EYS: variants seen among roughly 807,000 people sequenced by gnomAD.
EYS encodes the protein EGF-like photoreceptor maintenance factor, also known as protein eyes shut homolog.
EYS carries 250 observed loss-of-function variants against 282.1 expected under a neutral mutation model. That is an observed-to-expected ratio of 0.89 (90% CI 0.80 to 0.98). The LOEUF is 0.98. EYS is among the 50% of genes least tolerant of loss of function. The pLI, the probability that EYS is intolerant of heterozygous loss-of-function variation, is 0.00. For missense variants in EYS, 4,016 were observed against 3,709.0 expected, an observed-to-expected ratio of 1.08 and a Z score of -2.15; for synonymous variants, 1,355 against 1,282.9, an observed-to-expected ratio of 1.06 and a Z score of -1.20.
At chr6:64,689,241 A>T (rs1212557161) in intron 22 of EYS, among the ~76,000 whole-genome samples, 1 of 152,184 alleles carries the variant, frequency 6.6e-6, no homozygotes, top group African/African-American at 2.4e-5. Context: ...AGAGAATAAA[A>T]TACCTGGGAA....
At chr6:64,602,845 A>T (rs1257490504) in intron 24 of EYS, among the ~76,000 whole-genome samples, 1 of 152,058 alleles carries the variant, frequency 6.6e-6, no homozygotes, top group African/African-American at 2.4e-5. Flanking sequence ...ATTGGAAAAC[A>T]AAGTAATCTC....
At chr6:65,234,714 C>A (rs899811276) in intron 12 of EYS, among the ~76,000 whole-genome samples, 1 of 152,086 alleles carries the variant, frequency 6.6e-6, no homozygotes, top group Non-Finnish European at 1.5e-5. Context: ...ACAAACTATA[C>A]TATTTATATT....
intron 12 of EYS, among the ~76,000 whole-genome samples, chr6:65,118,868 GTTCT>G (rs1561975325): frequency 1.4e-5 from 2 of 141,058 alleles, no homozygotes; most frequent in African/African-American, 5.6e-5. Flanking sequence ...AGTTTCACAG[GTTCT>G]TTAAGGAAAA....
At chr6:64,694,366 T>C (rs1774651484) in intron 22 of EYS, among the ~76,000 whole-genome samples, 1 of 152,042 alleles carries the variant, frequency 6.6e-6, no homozygotes, top group African/African-American at 2.4e-5. Context: ...TGAGAGTAAA[T>C]TCTCAATGCA....
chr6:65,319,521 G>C (rs1769413075), intron 11 of EYS, among the ~76,000 whole-genome samples: 1 of 151,948 alleles, frequency 6.6e-6, no homozygotes, highest in South Asian at 2.1e-4. Context: ...CTGATACTTG[G>C]CCTTACTTCT....
At chr6:63,856,968 T>C (rs187094133) in intron 36 of EYS, among the ~76,000 whole-genome samples, 11 of 152,288 alleles carry the variant, frequency 7.2e-5, no homozygotes, top group African/African-American at 2.4e-4. Context: ...TTGACACTTA[T>C]ATCACGATTA....
At chr6:65,088,217 G>T (rs1774444040) in intron 12 of EYS, among the ~76,000 whole-genome samples, 1 of 152,134 alleles carries the variant, frequency 6.6e-6, no homozygotes, top group East Asian at 1.9e-4. Context: ...CAGAGAGTGG[G>T]GTACTGCTAT....
intron 35 of EYS, among the ~76,000 whole-genome samples, chr6:63,965,194 G>C (rs1205203040): frequency 2.0e-5 from 3 of 152,292 alleles, no homozygotes; most frequent in Middle Eastern, 3.4e-3. Flanking sequence ...TTATAGGGTA[G>C]AATTCTTACT....
intron 31 of EYS, among the ~76,000 whole-genome samples, chr6:64,183,790 T>C (rs1764852895): frequency 6.6e-6 from 1 of 152,184 alleles, no homozygotes; most frequent in Non-Finnish European, 1.5e-5. Context: ...AATAAAATTT[T>C]ACAGCCTTCA....
At chr6:64,861,005 C>T (rs1766218392) in intron 19 of EYS, among the ~76,000 whole-genome samples, 1 of 152,164 alleles carries the variant, frequency 6.6e-6, no homozygotes, top group South Asian at 2.1e-4. Flanking sequence ...ACCATGAGTT[C>T]CTGCTCCGGT....
chr6:64,545,259 A>G lies in EYS; in HGVS notation c.5644+44964T>C, dbSNP rs142692354. Among the ~76,000 whole-genome samples, 131 of 152,318 alleles carry G rather than the reference A, an allele frequency of 8.6e-4. 1 individual carries two copies. In the East Asian group the frequency reaches 0.025, roughly 28 times the overall value. The stretch of plus-strand genomic sequence containing the variant: ...ATAATCCAGGATATAAACAGAACCA[A>G]CGACAAAAACCATACGATTATCTCA... On this transcript the variant is annotated intron_variant, in intron 26 of 42. Coordinates refer to ENST00000503581, the MANE Select transcript of EYS (RefSeq NM_001142800.2).
chr6:64,332,848 C>T (rs948032330), intron 29 of EYS, among the ~76,000 whole-genome samples: 1 of 152,220 alleles, frequency 6.6e-6, no homozygotes, highest in African/African-American at 2.4e-5. Flanking sequence ...TAGTTATACT[C>T]TTACTTGTAC....
intron 31 of EYS, among the ~76,000 whole-genome samples, chr6:64,168,115 AG>A (rs1293910976): frequency 6.6e-6 from 1 of 152,098 alleles, no homozygotes; most frequent in Non-Finnish European, 1.5e-5. Context: ...ACAAAAGATT[AG>A]CCGAGCGTGG....
At chr6:63,948,703 G>A (rs1582013632) in intron 35 of EYS, among the ~76,000 whole-genome samples, 1 of 151,854 alleles carries the variant, frequency 6.6e-6, no homozygotes, top group East Asian at 1.9e-4. Context: ...TCAGTCAAGA[G>A]TATTCTATTA....
chr6:64,088,520 A>T (rs1401668609), intron 31 of EYS, among the ~76,000 whole-genome samples: 1 of 152,034 alleles, frequency 6.6e-6, no homozygotes, highest in Non-Finnish European at 1.5e-5. Flanking sequence ...ATCAAGATGG[A>T]GAATCTTTTA....
intron 2 of EYS, among the ~76,000 whole-genome samples, chr6:65,599,704 T>G (rs920361668): frequency 6.6e-6 from 1 of 152,224 alleles, no homozygotes; most frequent in South Asian, 2.1e-4. Context: ...TGTAGATAGA[T>G]ATACAGTGTC....
At chr6:64,985,615 G>GA (rs148751745) in intron 14 of EYS, among the ~76,000 whole-genome samples, 2,159 of 151,506 alleles carry the variant, frequency 0.014, 46 homozygotes, top group African/African-American at 0.05. Context: ...TATAGTGACT[G>GA]AAAAAATAAA....
chr6:65,463,531 T>C (rs1295749551), intron 5 of EYS, among the ~76,000 whole-genome samples: 1 of 152,160 alleles, frequency 6.6e-6, no homozygotes, highest in Non-Finnish European at 1.5e-5. Context: ...GCTTGACATA[T>C]AGAAGGTGAT....
chr6:65,589,870 A>T (rs1265762739), intron 2 of EYS, among the ~76,000 whole-genome samples: 2 of 151,940 alleles, frequency 1.3e-5, no homozygotes, highest in East Asian at 1.9e-4. Context: ...CTTCGGCTTA[A>T]TGTTTATTAA....
Sources: gnomAD v4.1 joint callset for allele counts (sites outside exome capture counted in the v4.1 genomes callset) on GRCh38, gnomAD v4.1.1 for gene constraint, MANE v1.5 for transcripts, NCBI Gene and HGNC (gene_info 2026-07-23, HGNC 2026-07-21) for gene names.